Variants in CEP85L observed in about 807,000 individuals in gnomAD.
CEP85L encodes the protein centrosomal protein of 85 kDa-like.
CEP85L carries 60 observed loss-of-function variants against 100.3 expected under a neutral mutation model. The observed-to-expected ratio is 0.60, with a 90% CI of 0.49 to 0.74. The LOEUF (loss-of-function observed/expected upper bound fraction) is 0.74. CEP85L is among the 30% of genes least tolerant of loss of function. CEP85L has a pLI of 0.00. For missense variants in CEP85L, 973 were observed against 936.2 expected (o/e 1.04, Z -0.51); for synonymous variants, 319 against 322.7 (o/e 0.99, Z 0.12).
At chr6:118,480,659 T>A in intron 8 of CEP85L, 146 bp from the exon 9 acceptor site, 1 of 564,436 alleles carries the variant, frequency 1.8e-6, no homozygotes, top group Non-Finnish European at 3.1e-6. Context: ...TATGAAAAAC[T>A]GTTATCTATA....
At chr6:118,588,395 T>C (rs1780988486) in intron 2 of CEP85L, among the ~76,000 whole-genome samples, 1 of 152,226 alleles carries the variant, frequency 6.6e-6, no homozygotes, top group South Asian at 2.1e-4. Flanking sequence ...ATAGACTCTT[T>C]AGCCTTAGTA....
chr6:118,669,393 A>G (rs1338192205), intron 1 of CEP85L, among the ~76,000 whole-genome samples: 1 of 152,226 alleles, frequency 6.6e-6, no homozygotes, highest in Non-Finnish European at 1.5e-5. Flanking sequence ...CACATTTTAT[A>G]TCTTTCCTTC....
Position 118,469,279 on chromosome 6 carries a change from A to C in CEP85L, c.2047T>G (p.Cys683Gly). Residue 683 changes from cysteine to glycine, a missense_variant, in exon 12 of 13, where the codon TGC becomes GGC. Cys to Gly is a radical substitution (Grantham distance 159). Transcript: ENST00000368491. ...LENQRQTDET[C>G]SLLDQGQEPD... ...TCCTGGCCCTGATCCAATAAAGAGC[A>C]TGTCTCATCTGTTTGTCTTTGGTTC... is the stretch of plus-strand genomic sequence containing the variant. 6.2e-7 allele frequency: 1 copy of C among 1,613,904 alleles called. No individual in the cohort carries two copies. The highest frequency in any genetic ancestry group is 2.2e-5 in the East Asian group (1 of 44,858).
chr6:118,524,510 G>A (rs183366138), intron 3 of CEP85L, among the ~76,000 whole-genome samples: 1 of 152,266 alleles, frequency 6.6e-6, no homozygotes, highest in Admixed American at 6.5e-5. Context: ...AGTGGAAGTG[G>A]AAGTTTTCTG....
chr6:118,600,125 CT>C lies in CEP85L; in HGVS notation c.232+32327del, dbSNP rs143775926. ...AGAGAAGTGGAAGTGGCAAATATGT[CT>C]TAAAGAAGAATTCCAAATAATAAAT... On this transcript the variant is annotated intron_variant, in intron 2 of 12. Coordinates refer to ENST00000368491, the MANE Select transcript of CEP85L (RefSeq NM_001042475.3). 3.2e-3 allele frequency among the ~76,000 whole-genome samples: 490 copies of C among 152,072 alleles called. 3 individuals are homozygous for C. Among genetic ancestry groups the C allele is most frequent in the African/African-American group, 0.011 (463 of 41,492 alleles).
chr6:118,490,262 T>G (rs1280336802), intron 6 of CEP85L, among the ~76,000 whole-genome samples: 1 of 152,166 alleles, frequency 6.6e-6, no homozygotes, highest in African/African-American at 2.4e-5. Context: ...GTGCTAGAGA[T>G]CTGCTGTACA....
intron 5 of CEP85L, among the ~76,000 whole-genome samples, chr6:118,500,667 G>A (rs1022798342): frequency 1.2e-4 from 18 of 152,118 alleles, no homozygotes; most frequent in African/African-American, 2.9e-4. Flanking sequence ...TTATTCCCAC[G>A]TTCACCCCCT....
At chr6:118,465,606 T>A (rs768532870) in intron 12 of CEP85L, 38 bp from the exon 13 acceptor site, 31 of 1,593,524 alleles carry the variant, frequency 1.9e-5, no homozygotes, top group Non-Finnish European at 2.7e-5. Context: ...TCTCACATTT[T>A]TTTGAACAAA....
intron 4 of CEP85L, among the ~76,000 whole-genome samples, chr6:118,518,314 C>G (rs1169145007): frequency 6.6e-6 from 1 of 152,104 alleles, no homozygotes; most frequent in South Asian, 2.1e-4. Context: ...GATACCAGCT[C>G]CTCTTTGTAC....
rs548222922 is a variant in CEP85L, at chr6:118,481,844, T to A, written c.1680A>T (p.Gln560His). 6.3e-7 allele frequency: 1 copy of A among 1,597,566 alleles called. No individual in the cohort carries two copies. ...GGCATATTAACTGTGTCTCTTTATC[T>A]TGACACTGCTTTTTGATCTCTTCAA... ...KKLEEIKKQCQDKETQLICQK... is the reference protein window; with the variant it reads ...KKLEEIKKQCHDKETQLICQK... Residue 560 changes from glutamine (Q) to histidine (H), a missense_variant, in exon 8 of 13, where the codon CAA (glutamine) becomes CAT (histidine). By Grantham distance (24) the Gln-to-His change is conservative (BLOSUM62 0). Transcript: ENST00000368491.
At chr6:118,603,659 A>G (rs1273342592) in intron 2 of CEP85L, among the ~76,000 whole-genome samples, 2 of 152,246 alleles carry the variant, frequency 1.3e-5, no homozygotes, top group East Asian at 3.8e-4. Context: ...AGCAAAGTTA[A>G]AAAGACTAGG....
intron 5 of CEP85L, among the ~76,000 whole-genome samples, chr6:118,504,494 T>C (rs760912267): frequency 2.6e-4 from 39 of 152,268 alleles, no homozygotes; most frequent in Non-Finnish European, 5.3e-4. Flanking sequence ...TCCTGAAGGG[T>C]GGCACCCCTG....
At chr6:118,537,858 C>G in intron 3 of CEP85L, 1 of 985,204 alleles carries the variant, frequency 1.0e-6, no homozygotes, top group Non-Finnish European at 1.2e-6. Context: ...CAACATGTCA[C>G]GTAACACAGT....
chr6:118,483,784 C>T lies in CEP85L; in HGVS notation c.1512G>A (p.Lys504=), dbSNP rs1440162916. ...CQKESEQNKE[K]QRRIETLEKY... ...TTTCCAAGGTCTCAATTCTTCTCTG[C>T]TTTTCTTTGTTTTGTTCAGATTCCT... The change falls in exon 7 of 13, where the codon AAG becomes AAA. Residue 504 remains lysine, a synonymous_variant. Transcript: ENST00000368491. 6.2e-7 allele frequency: 1 copy of T among 1,613,820 alleles called. No homozygotes were observed. Among genetic ancestry groups the T allele is most frequent in the Non-Finnish European group, 8.5e-7 (1 of 1,179,816 alleles).
At chr6:118,544,518 G>A (rs936862397) in intron 3 of CEP85L, among the ~76,000 whole-genome samples, 1 of 152,064 alleles carries the variant, frequency 6.6e-6, no homozygotes, top group Non-Finnish European at 1.5e-5. Context: ...TTGAAGCCAC[G>A]TAGCATGCTA....
intron 3 of CEP85L, among the ~76,000 whole-genome samples, chr6:118,554,262 G>C (rs1293414616): frequency 6.6e-6 from 1 of 152,084 alleles, no homozygotes; most frequent in African/African-American, 2.4e-5. Context: ...ACTCCAGCCT[G>C]GGTGACAGAG....
rs566574512 is a variant in CEP85L, at chr6:118,704,610, G to C, written c.-28+5426C>G. ...CTCAGCCTTCCGAGTAGCTGGGATT[G>C]CAGGCACCCGCCACCATGCCCGGCT... On this transcript the variant is annotated intron_variant, in intron 1 of 13. Coordinates refer to the CEP85L transcript ENST00000368488. 2.6e-5 allele frequency among the ~76,000 whole-genome samples: 4 copies of C among 152,142 alleles called. No homozygotes were observed. In the East Asian group the frequency reaches 7.7e-4, roughly 29 times the overall value.
chr6:118,577,389 G>GA (rs1431475047), intron 2 of CEP85L, among the ~76,000 whole-genome samples: 1 of 152,082 alleles, frequency 6.6e-6, no homozygotes, highest in African/African-American at 2.4e-5. Flanking sequence ...GGACAATCGT[G>GA]AAAAAAGAAG....
intron 2 of CEP85L, among the ~76,000 whole-genome samples, chr6:118,597,104 G>A (rs760950120): frequency 4.5e-4 from 68 of 152,198 alleles, no homozygotes; most frequent in Non-Finnish European, 8.8e-4. Flanking sequence ...CTGTTAAGAG[G>A]TGCTTTCCCC....
Sources: gnomAD v4.1 joint callset for allele counts (sites outside exome capture counted in the v4.1 genomes callset) on GRCh38, gnomAD v4.1.1 for gene constraint, MANE v1.5 for transcripts, NCBI Gene and HGNC (gene_info 2026-07-23, HGNC 2026-07-21) for gene names.